Variants in UBL4A observed in about 807,000 individuals in gnomAD.
UBL4A encodes ubiquitin like 4A.
A neutral mutation model predicts 11.4 loss-of-function variants in UBL4A; 4 were observed. That is an observed-to-expected ratio of 0.35 (90% CI 0.17 to 0.81). The LOEUF (loss-of-function observed/expected upper bound fraction) is 0.81. UBL4A is among the 30% of genes least tolerant of loss of function. The probability of loss-of-function intolerance (pLI) is 0.52; values close to 1 mark genes in which losing one functional copy is unlikely to be tolerated. For synonymous variants in UBL4A, 72 were observed against 61.2 expected (o/e 1.18, Z -0.83); for missense variants, 112 against 124.9 (o/e 0.90, Z 0.49).
chrX:154,485,071 G>A lies in UBL4A; in HGVS notation c.*468C>T. 2.9e-6 allele frequency: 1 copy of A among 348,486 alleles called. No individual in the cohort carries two copies. Among genetic ancestry groups the A allele is most frequent in the Non-Finnish European group, 5.0e-6 (1 of 200,158 alleles). The allele number at this position is 348,486 out of a possible 1,213,427, so 28.7% of individuals were successfully genotyped here. On this transcript the variant is annotated 3_prime_UTR_variant, in exon 4 of 4. Transcript: ENST00000369660. The stretch of plus-strand genomic sequence containing the variant: ...AACGCACACTGGCACACTGGCTGCA[G>A]CAGCTGCGGGGGTCGGGGGGTTCCA...
At position 154,485,872 on chromosome X, in the gene UBL4A, C is replaced by G. The variant is rs781921631; in HGVS notation, c.262G>C (p.Ala88Pro). The G allele has an allele frequency of 2.2e-5, 27 of 1,209,019 alleles. No homozygotes were observed. Among genetic ancestry groups the G allele is most frequent in the Admixed American group, 4.4e-5 (2 of 45,806 alleles). The change falls in exon 3 of 4, where the codon GCC becomes CCC. Residue 88 changes from alanine to proline, a missense_variant. Coordinates refer to ENST00000369660, the MANE Select transcript of UBL4A (RefSeq NM_014235.5). Reference protein sequence around the residue: ...LLEEGEAQRLADSPPPQVWQL... With the variant: ...LLEEGEAQRLPDSPPPQVWQL... ...CAGACCTGCGGGGGTGGGGAGTCGG[C>G]CAGCCTCTGGGCCTCGCCTTCTTCT...
Position 154,485,869 on chromosome X carries a change from C to A in UBL4A, c.265G>T (p.Asp89Tyr). The change falls in exon 3 of 4, where the codon GAC becomes TAC. Residue 89 changes from aspartate to tyrosine, a missense_variant. Coordinates refer to ENST00000369660, the MANE Select transcript of UBL4A (RefSeq NM_014235.5). ...LEEGEAQRLA[D>Y]SPPPQVWQLI... ...TGCCAGACCTGCGGGGGTGGGGAGT[C>A]GGCCAGCCTCTGGGCCTCGCCTTCT... The A allele has an allele frequency of 8.3e-7, 1 of 1,210,252 alleles. No homozygotes were observed. The highest frequency in any genetic ancestry group is 1.1e-6 in the Non-Finnish European group (1 of 894,847).
In UBL4A at chrX:154,486,526, G is replaced by A. The variant is rs1557212976; in HGVS notation, c.48+11C>T. On this transcript the variant is annotated intron_variant, in intron 1 of 3. Transcript: ENST00000369660. ...CGCGCCGGACCCGGCGGCCCGGCCCGGGGACCCTACCTGCAGGCTGCACTC... is the reference window on the plus strand; with the variant it reads ...CGCGCCGGACCCGGCGGCCCGGCCCAGGGACCCTACCTGCAGGCTGCACTC... 3.9e-6 allele frequency: 4 copies of A among 1,033,288 alleles called. No individual in the cohort carries two copies. Among genetic ancestry groups the A allele is most frequent in the Admixed American group, 3.7e-5 (1 of 26,925 alleles). 85.2% of individuals were successfully genotyped at this position (1,033,288 alleles called of 1,213,427 possible).
rs781859478 is a variant in UBL4A at position 154,485,118 on chromosome X, C to T, written c.*421G>A. On this transcript the variant is annotated 3_prime_UTR_variant, in exon 4 of 4. Transcript: ENST00000369660. Reference sequence around the variant, plus strand: ...TCCAGGGCTGGCTGTCACTTGGCCTCCTGCAGAGGTAAGCTGAGGGCTATG... The same window carrying T: ...TCCAGGGCTGGCTGTCACTTGGCCTTCTGCAGAGGTAAGCTGAGGGCTATG... 4 of 373,745 alleles carry T rather than the reference C, an allele frequency of 1.1e-5. No homozygotes were observed. Among genetic ancestry groups the T allele is most frequent in the Non-Finnish European group, 1.9e-5 (4 of 216,014 alleles). The allele number at this position is 373,745 out of a possible 1,213,427, so 30.8% of individuals were successfully genotyped here.
In UBL4A at chrX:154,483,882, C is replaced by T. The variant is rs943795219; in HGVS notation, c.*1657G>A. 3 of 112,651 alleles carry T rather than the reference C, an allele frequency of 2.7e-5. No individual in the cohort carries two copies. Among genetic ancestry groups the T allele is most frequent in the African/African-American group, 6.5e-5 (2 of 30,960 alleles). The allele number at this position is 112,651 out of a possible 1,213,427, so 9.3% of individuals were successfully genotyped here. ...TGGCCTGGGATGTAGCAGATACCAA[C>T]GCAGAGGGAGGCAGAAGACACTGGG... On this transcript the variant is annotated 3_prime_UTR_variant, in exon 4 of 4. Coordinates refer to ENST00000369660, the MANE Select transcript of UBL4A (RefSeq NM_014235.5).
At position 154,485,017 on chromosome X, in the gene UBL4A, C is replaced by T; in HGVS notation, c.*522G>A. ...AGAGCTGGGGTGCCTTGCTGACTCC[C>T]TGGCCCCAATCTGCTTTTCCATTTG... On this transcript the variant is annotated 3_prime_UTR_variant, in exon 4 of 4. Transcript: ENST00000369660. 3.9e-6 allele frequency: 1 copy of T among 256,460 alleles called. No homozygotes were observed. The highest frequency in any genetic ancestry group is 7.0e-6 in the Non-Finnish European group (1 of 143,572). The allele number at this position is 256,460 out of a possible 1,213,427, so 21.1% of individuals were successfully genotyped here.
intron 3 of UBL4A, 28 bp from the exon 4 acceptor site, chrX:154,485,677 G>A (rs925522484): frequency 2.4e-5 from 29 of 1,191,065 alleles, no homozygotes; most frequent in South Asian, 5.4e-5. Flanking sequence ...GGAAGATTCA[G>A]GGGCTGCCAG....
Position 154,486,606 on chromosome X carries a change from T to C in UBL4A, c.-22A>G. 1.1e-6 allele frequency: 1 copy of C among 870,299 alleles called. No homozygotes were observed. The highest frequency in any genetic ancestry group is 1.4e-6 in the Non-Finnish European group (1 of 714,002). The allele number at this position is 870,299 out of a possible 1,213,427, so 71.7% of individuals were successfully genotyped here. A position where few individuals can be genotyped will look rare whatever the true frequency, so the allele number is the denominator to read the frequency against. The stretch of plus-strand genomic sequence containing the variant: ...GCATGGCGGTCGCGACGGCGTCCAC[T>C]CGGGCCGGCGCGCACCCCAACCACC... On this transcript the variant is annotated 5_prime_UTR_variant, in exon 1 of 4. Transcript: ENST00000369660.
rs782606218 is a variant in UBL4A, at chrX:154,486,510, C to T, written c.48+27G>A. The T allele has an allele frequency of 1.1e-4, 112 of 1,028,468 alleles. No homozygotes were observed. The African/African-American group carries it at 2.2e-3, about 20-fold the overall frequency. 84.8% of individuals were successfully genotyped at this position (1,028,468 alleles called of 1,213,427 possible). On this transcript the variant is annotated intron_variant, in intron 1 of 3. Transcript: ENST00000369660. Reference sequence around the variant, plus strand: ...GGAGCGGGCGAGAGAGCGCGCCGGACCCGGCGGCCCGGCCCGGGGACCCTA... The same window carrying T: ...GGAGCGGGCGAGAGAGCGCGCCGGATCCGGCGGCCCGGCCCGGGGACCCTA...
Position 154,486,580 on chromosome X carries a change from T to A in UBL4A, c.5A>T (p.Gln2Leu). The A allele has an allele frequency of 1.1e-6, 1 of 943,648 alleles. No individual in the cohort carries two copies. Among genetic ancestry groups the A allele is most frequent in the Non-Finnish European group, 1.3e-6 (1 of 755,627 alleles). The allele number at this position is 943,648 out of a possible 1,213,427, so 77.8% of individuals were successfully genotyped here. The change falls in exon 1 of 4, where the codon CAG becomes CTG. Residue 2 changes from glutamine to leucine, a missense_variant. Gln to Leu is a moderately radical substitution (Grantham distance 113). Coordinates refer to ENST00000369660, the MANE Select transcript of UBL4A (RefSeq NM_014235.5). M[Q>L]LTVKALQGRE... ...GCCCTGCAGCGCCTTCACCGTCAGC[T>A]GCATGGCGGTCGCGACGGCGTCCAC... is the stretch of plus-strand genomic sequence containing the variant.
chrX:154,485,513 G>A lies in UBL4A; in HGVS notation c.*26C>T, dbSNP rs374245768. On this transcript the variant is annotated 3_prime_UTR_variant, in exon 4 of 4. Transcript: ENST00000369660. ...CGACATGCAGCGGTAGCCTGGCGTT[G>A]GGCACCTCCCCATGCTCCGAGAATT... The A allele has an allele frequency of 3.4e-6, 4 of 1,185,473 alleles. No individual in the cohort carries two copies. The African/African-American group carries it at 5.3e-5, about 16-fold the overall frequency.
At chrX:154,486,006 T>C (rs1557212801) in intron 2 of UBL4A, 27 bp from the exon 3 acceptor site, 1 of 1,200,771 alleles carries the variant, frequency 8.3e-7, no homozygotes, top group South Asian at 1.8e-5. Context: ...GATGGGTTCC[T>C]CCTCCTCCAC....
Position 154,485,345 on chromosome X carries a change from CT to C in UBL4A, c.*193del. 1.9e-6 allele frequency: 1 copy of C among 534,531 alleles called. No homozygotes were observed. The highest frequency in any genetic ancestry group is 3.4e-6 in the Non-Finnish European group (1 of 293,753). The allele number at this position is 534,531 out of a possible 1,213,427, so 44.1% of individuals were successfully genotyped here. A position where few individuals can be genotyped will look rare whatever the true frequency, so the allele number is the denominator to read the frequency against. On this transcript the variant is annotated 3_prime_UTR_variant, in exon 4 of 4. Transcript: ENST00000369660. ...CTGTGCCACTTCATCGCCGGTGCCT[CT>C]GCTGTGCCGGCTCTCCTCTTCTGAG...
Position 154,485,754 on chromosome X carries a change from A to G in UBL4A, c.363+17T>C, listed in dbSNP as rs782274610. ...GCAACTGGGCCTGAAGAGGATGCCC[A>G]GGGTTACCCTTCTCACCCTCTGTAG... On this transcript the variant is annotated intron_variant, in intron 3 of 3. Transcript: ENST00000369660. 8.4e-7 allele frequency: 1 copy of G among 1,187,466 alleles called. No individual in the cohort carries two copies. Among genetic ancestry groups the G allele is most frequent in the East Asian group, 3.0e-5 (1 of 33,504 alleles).
At chrX:154,486,477 C>T in intron 1 of UBL4A, 60 bp downstream of exon 1, 1 of 1,015,913 alleles carries the variant, frequency 9.8e-7, no homozygotes, top group Non-Finnish European at 1.3e-6. Flanking sequence ...CTGCCGGTCC[C>T]CCTGCCAGGA....
rs2069280929 is a variant in UBL4A at position 154,484,225 on chromosome X, A to G, written c.*1314T>C. Reference sequence around the variant, plus strand: ...CGTAGGTGGCTTTGAAGCCATATACATGGCTCTCCAGCTCTCGTGGGGGGC... The same window carrying G: ...CGTAGGTGGCTTTGAAGCCATATACGTGGCTCTCCAGCTCTCGTGGGGGGC... On this transcript the variant is annotated 3_prime_UTR_variant, in exon 4 of 4. Coordinates refer to ENST00000369660, the MANE Select transcript of UBL4A (RefSeq NM_014235.5). 1 of 113,152 alleles carries G rather than the reference A, an allele frequency of 8.8e-6. No individual in the cohort carries two copies. The highest frequency in any genetic ancestry group is 3.2e-5 in the African/African-American group (1 of 31,140). 9.3% of individuals were successfully genotyped at this position (113,152 alleles called of 1,213,427 possible).
At position 154,485,624 on chromosome X, in the gene UBL4A, A is replaced by G; in HGVS notation, c.389T>C (p.Leu130Pro). ...CAACCGTTCGATGTCGTCCAGCGTC[A>G]GGCGACTCAGGGACCTCTCGTAATC... ...QRDYERSLSRLTLDDIERLAS... is the reference protein window; with the variant it reads ...QRDYERSLSRPTLDDIERLAS... The change falls in exon 4 of 4, where the codon CTG becomes CCG. Residue 130 changes from leucine to proline, a missense_variant. Coordinates refer to ENST00000369660, the MANE Select transcript of UBL4A (RefSeq NM_014235.5). The G allele has an allele frequency of 8.3e-7, 1 of 1,209,495 alleles. No individual in the cohort carries two copies. Among genetic ancestry groups the G allele is most frequent in the Non-Finnish European group, 1.1e-6 (1 of 894,694 alleles).
At chrX:154,486,371 G>A (rs1278165748) in intron 1 of UBL4A, 38 bp from the exon 2 acceptor site, 2 of 1,090,767 alleles carry the variant, frequency 1.8e-6, no homozygotes, top group Non-Finnish European at 2.4e-6. Flanking sequence ...GGTTGAGCCC[G>A]CGGCCCCCAG....
At position 154,485,124 on chromosome X, in the gene UBL4A, G is replaced by A. The variant is rs2069286120; in HGVS notation, c.*415C>T. 2.1e-5 allele frequency: 8 copies of A among 382,132 alleles called. No homozygotes were observed. The highest frequency in any genetic ancestry group is 3.6e-5 in the Non-Finnish European group (8 of 221,192). 31.5% of individuals were successfully genotyped at this position (382,132 alleles called of 1,213,427 possible). On this transcript the variant is annotated 3_prime_UTR_variant, in exon 4 of 4. Transcript: ENST00000369660. ...GCTGGCTGTCACTTGGCCTCCTGCA[G>A]AGGTAAGCTGAGGGCTATGTTGGAC...
Sources: gnomAD v4.1 joint callset for allele counts on GRCh38, gnomAD v4.1.1 for gene constraint, MANE v1.5 for transcripts, NCBI Gene and HGNC (gene_info 2026-07-23, HGNC 2026-07-21) for gene names.